The following CDKAL1 variants were observed in gnomAD, a reference collection of about 807,000 sequenced individuals.
CDKAL1 encodes CDKAL1 threonylcarbamoyladenosine tRNA methylthiotransferase, also known as threonylcarbamoyladenosine tRNA methylthiotransferase.
CDKAL1 carries 32 observed loss-of-function variants against 68.2 expected under a neutral mutation model. The ratio of observed to expected loss-of-function variants is 0.47; its 90% confidence interval spans 0.35 to 0.63. The LOEUF is 0.63. Among genes scored for constraint, CDKAL1 ranks in the 30% least tolerant of loss-of-function variants. CDKAL1 has a pLI of 0.00. For missense variants in CDKAL1, 606 were observed against 696.7 expected, an observed-to-expected ratio of 0.87 and a Z score of 1.47; for synonymous variants, 234 against 244.3, an observed-to-expected ratio of 0.96 and a Z score of 0.39.
intron 9 of CDKAL1, among the ~76,000 whole-genome samples, chr6:20,922,642 G>A (rs4712566): frequency 0.96 from 146,004 of 152,306 alleles, 69,993 homozygotes; most frequent in East Asian, 1. Context: ...CGAGTCAAAC[G>A]ACTCGTGTGT....
chr6:21,189,843 G>C (rs755707693), intron 13 of CDKAL1, among the ~76,000 whole-genome samples: 18 of 152,128 alleles, frequency 1.2e-4, no homozygotes, highest in African/African-American at 1.9e-4. Context: ...ATAGAAGTGA[G>C]CATAAACAGT....
At chr6:20,972,361 T>C (rs1765639676) in intron 10 of CDKAL1, among the ~76,000 whole-genome samples, 1 of 152,200 alleles carries the variant, frequency 6.6e-6, no homozygotes, top group Admixed American at 6.5e-5. Context: ...TCACCCAGGC[T>C]TGAGACACTC....
intron 13 of CDKAL1, 32 bp downstream of exon 13, chr6:21,108,495 A>G: frequency 7.1e-7 from 1 of 1,402,130 alleles, no homozygotes; most frequent in African/African-American, 1.4e-5. Flanking sequence ...CATATTAAGT[A>G]TTAAAGTCTT....
intron 13 of CDKAL1, among the ~76,000 whole-genome samples, chr6:21,161,049 G>A (rs549598277): frequency 1.0e-3 from 154 of 152,164 alleles, no homozygotes; most frequent in South Asian, 6.9e-3. Flanking sequence ...TGGCTGGGGG[G>A]GTGCAGTGAA....
At chr6:20,902,358 C>CACACACAA (rs769859254) in intron 9 of CDKAL1, among the ~76,000 whole-genome samples, 560 of 25,524 alleles carry the variant, frequency 0.022, 8 homozygotes, top group African/African-American at 0.035. Context: ...CACACACACA[C>CACACACAA]AATGTGTTTA....
intron 12 of CDKAL1, among the ~76,000 whole-genome samples, chr6:21,096,699 AAAAT>A (rs967507985): frequency 4.6e-5 from 7 of 152,282 alleles, no homozygotes; most frequent in South Asian, 4.1e-4. Context: ...CAAATGGTAA[AAAAT>A]AAATAAATAA....
intron 5 of CDKAL1, among the ~76,000 whole-genome samples, chr6:20,662,302 C>T (rs1331469774): frequency 1.3e-5 from 2 of 152,100 alleles, no homozygotes; most frequent in Non-Finnish European, 2.9e-5. Context: ...CTCTGGGCCA[C>T]ATTAATGAAG....
intron 15 of CDKAL1, among the ~76,000 whole-genome samples, chr6:21,205,470 CTTTTG>C (rs113246770): frequency 5.5e-4 from 84 of 151,946 alleles, no homozygotes; most frequent in African/African-American, 1.9e-3. Flanking sequence ...CTTATTTTCT[CTTTTG>C]TTTTGTTTTG....
intron 7 of CDKAL1, among the ~76,000 whole-genome samples, chr6:20,766,266 G>A (rs556828701): frequency 2.0e-5 from 3 of 152,160 alleles, no homozygotes; most frequent in African/African-American, 7.2e-5. Flanking sequence ...GAGGACTTGG[G>A]TATTTCTCTA....
intron 11 of CDKAL1, among the ~76,000 whole-genome samples, chr6:21,017,815 G>T (rs1768426054): frequency 6.6e-6 from 1 of 151,896 alleles, no homozygotes; most frequent in South Asian, 2.1e-4. Flanking sequence ...AATAAAAATT[G>T]TTCTTAATTT....
At chr6:20,708,410 T>C (rs1167574564) in intron 5 of CDKAL1, among the ~76,000 whole-genome samples, 1 of 152,230 alleles carries the variant, frequency 6.6e-6, no homozygotes, top group Non-Finnish European at 1.5e-5. Flanking sequence ...TATCCTTTTC[T>C]ATGTGGTGAT....
intron 12 of CDKAL1, among the ~76,000 whole-genome samples, chr6:21,071,394 T>A (rs967972491): frequency 3.3e-5 from 5 of 152,200 alleles, no homozygotes; most frequent in African/African-American, 1.2e-4. Context: ...CCACCGTGAT[T>A]GTAAATTTCC....
chr6:20,904,746 G>A (rs970500102), intron 9 of CDKAL1, among the ~76,000 whole-genome samples: 1 of 151,792 alleles, frequency 6.6e-6, no homozygotes, highest in Non-Finnish European at 1.5e-5. Flanking sequence ...CCGAGATTGC[G>A]GCATTGCACT....
intron 13 of CDKAL1, among the ~76,000 whole-genome samples, chr6:21,118,366 G>A (rs1390112031): frequency 6.6e-6 from 1 of 152,164 alleles, no homozygotes; most frequent in Admixed American, 6.5e-5. Flanking sequence ...GATGCTGTTT[G>A]CAGACTGGGC....
intron 13 of CDKAL1, among the ~76,000 whole-genome samples, chr6:21,115,707 C>T (rs920971430): frequency 2.0e-5 from 3 of 152,162 alleles, no homozygotes; most frequent in Non-Finnish European, 4.4e-5. Context: ...TGTCCTTATA[C>T]GAAAACCATG....
chr6:20,722,559 A>T, intron 5 of CDKAL1: 1 of 307,154 alleles, frequency 3.3e-6, no homozygotes, highest in Non-Finnish European at 6.2e-6. Context: ...CTGGGCACAC[A>T]TAGAATCCTT....
intron 15 of CDKAL1, among the ~76,000 whole-genome samples, chr6:21,217,067 C>CAATATGT (rs1779363110): frequency 6.6e-6 from 1 of 152,032 alleles, no homozygotes; most frequent in Non-Finnish European, 1.5e-5. Flanking sequence ...TTACTTTTTC[C>CAATATGT]AACCTGGTAT....
intron 2 of CDKAL1, among the ~76,000 whole-genome samples, chr6:20,541,707 C>G (rs916434877): frequency 2.8e-4 from 42 of 152,036 alleles, no homozygotes; most frequent in African/African-American, 1.0e-3. Context: ...GTTGCCCAGG[C>G]TGGAGTGCAA....
chr6:20,569,221 G>A (rs1764601283), intron 4 of CDKAL1, among the ~76,000 whole-genome samples: 1 of 152,198 alleles, frequency 6.6e-6, no homozygotes, highest in African/African-American at 2.4e-5. Flanking sequence ...CAGTTTTTGA[G>A]ACACTTTTAT....
Sources: allele counts gnomAD v4.1 joint callset (sites outside exome capture counted in the v4.1 genomes callset), GRCh38; gene constraint gnomAD v4.1.1; transcripts MANE v1.5; gene names NCBI Gene and HGNC (gene_info 2026-07-23, HGNC 2026-07-21).